B4GALNT2: variants seen among roughly 807,000 people sequenced by gnomAD.
B4GALNT2 encodes beta-1,4-N-acetyl-galactosaminyltransferase 2 (SID blood group), also known as N-acetylneuraminylgalactosylglucosyl-glucoside beta-1,4-N- acetylgalactosaminyltransferase 2.
A neutral mutation model predicts 51.1 loss-of-function variants in B4GALNT2; 42 were observed. That is an observed-to-expected ratio of 0.82 (90% CI 0.64 to 1.06). The LOEUF is 1.06. Among genes scored for constraint, B4GALNT2 ranks in the 50% least tolerant of loss-of-function variants. B4GALNT2 has a pLI of 0.00. For missense variants in B4GALNT2, 602 were observed against 633.6 expected (o/e 0.95, Z 0.54); for synonymous variants, 253 against 251.7 (o/e 1.01, Z -0.05).
Position 49,171,261 on chromosome 17 carries a change from A to G in B4GALNT2, c.*1533A>G. 1 of 317,342 alleles carries G rather than the reference A, an allele frequency of 3.2e-6. No individual in the cohort carries two copies. The highest frequency in any genetic ancestry group is 6.0e-6 in the Non-Finnish European group (1 of 167,380). 19.7% of individuals were successfully genotyped at this position (317,342 alleles called of 1,614,324 possible). On this transcript the variant is annotated 3_prime_UTR_variant, in exon 11 of 11. Transcript: ENST00000393354. ...GCACCTGCAGACTATACAAAGACAA[A>G]CAACACAGATTAAAAGCACAATCAT... is the stretch of plus-strand genomic sequence containing the variant.
Position 49,174,919 on chromosome 17 carries a change from T to C in B4GALNT2, c.*5191T>C, listed in dbSNP as rs1213421440. 6.6e-6 allele frequency: 1 copy of C among 152,194 alleles called. No homozygotes were observed. The highest frequency in any genetic ancestry group is 1.5e-5 in the Non-Finnish European group (1 of 68,030). 9.4% of individuals were successfully genotyped at this position (152,194 alleles called of 1,614,324 possible). A position where few individuals can be genotyped will look rare whatever the true frequency, so the allele number is the denominator to read the frequency against. ...CCCATTTCATGCACCATACGTTGAC[T>C]TTGAGGGCTATACAATTGCTCTAGA... is the stretch of plus-strand genomic sequence containing the variant. On this transcript the variant is annotated 3_prime_UTR_variant, in exon 11 of 11. Coordinates refer to ENST00000393354, the MANE Select transcript of B4GALNT2 (RefSeq NM_001159387.2).
upstream of B4GALNT2, chr17:49,132,715 G>A (rs1567852184): frequency 7.4e-6 from 10 of 1,356,340 alleles, no homozygotes; most frequent in Non-Finnish European, 9.5e-6. Flanking sequence ...TGCCCGGGTC[G>A]GTGCCAGGGC....
At chr17:49,131,981 A>AT (rs745687097), upstream of B4GALNT2, among the ~76,000 whole-genome samples, 2 of 151,852 alleles carry the variant, frequency 1.3e-5, no homozygotes, top group Non-Finnish European at 2.9e-5. Context: ...AATTATTATT[A>AT]TTATTTTTTA....
chr17:49,136,623 T>G (rs1393536216), intron 1 of B4GALNT2, among the ~76,000 whole-genome samples: 1 of 152,068 alleles, frequency 6.6e-6, no homozygotes, highest in Non-Finnish European at 1.5e-5. Context: ...CTCAGCCCAC[T>G]GCAACCTCCA....
Position 49,169,717 on chromosome 17 carries a change from T to C in B4GALNT2, c.1510T>C (p.Cys504Arg). ...CCACTACTTCAAGAACCATCTCCAATGTGCCGCATAAAGGTGTGAGGGCAT... is the reference window on the plus strand; with the variant it reads ...CCACTACTTCAAGAACCATCTCCAACGTGCCGCATAAAGGTGTGAGGGCAT... ...ALHYFKNHLQCAA is the reference protein window; with the variant it reads ...ALHYFKNHLQRAA The change falls in exon 11 of 11, where the codon TGT becomes CGT. Residue 504 changes from cysteine (C) to arginine (R), a missense_variant. Cys to Arg is a radical substitution (Grantham distance 180). Transcript: ENST00000393354. 1 of 1,582,604 alleles carries C rather than the reference T, an allele frequency of 6.3e-7. No homozygotes were observed. Among genetic ancestry groups the C allele is most frequent in the Non-Finnish European group, 8.6e-7 (1 of 1,161,802 alleles).
chr17:49,134,023 C>T (rs567089119), intron 1 of B4GALNT2, among the ~76,000 whole-genome samples: 1 of 152,316 alleles, frequency 6.6e-6, no homozygotes, highest in South Asian at 2.1e-4. Context: ...CATCCATCCA[C>T]GTCCTTGGCT....
chr17:49,128,647 C>G (rs2042522542), upstream of B4GALNT2, among the ~76,000 whole-genome samples: 1 of 152,140 alleles, frequency 6.6e-6, no homozygotes, highest in South Asian at 2.1e-4. Flanking sequence ...TGTCATTGTC[C>G]CTGAGAATTT....
At chr17:49,139,245 G>GTTTTTTT (rs143419564) in intron 1 of B4GALNT2, among the ~76,000 whole-genome samples, 1 of 147,920 alleles carries the variant, frequency 6.8e-6, no homozygotes, top group Non-Finnish European at 1.5e-5. Flanking sequence ...GGGCGTTTTT[G>GTTTTTTT]TTTTTTTTTT....
chr17:49,148,368 C>T, intron 3 of B4GALNT2: 1 of 360,304 alleles, frequency 2.8e-6, no homozygotes, highest in Non-Finnish European at 5.4e-6. Flanking sequence ...CATCCACAAC[C>T]AAATCTGCCT....
intron 9 of B4GALNT2, among the ~76,000 whole-genome samples, chr17:49,167,081 C>A (rs2042917519): frequency 6.6e-6 from 1 of 152,186 alleles, no homozygotes; most frequent in African/African-American, 2.4e-5. Flanking sequence ...TGCAAGTGGA[C>A]AATCCCCAAA....
chr17:49,131,144 A>T (rs2042535669), upstream of B4GALNT2, among the ~76,000 whole-genome samples: 1 of 152,178 alleles, frequency 6.6e-6, no homozygotes, highest in Admixed American at 6.5e-5. Flanking sequence ...ACAAGAGCTG[A>T]ATGAAGGACG....
rs1317937814 is a variant in B4GALNT2 at position 49,168,805 on chromosome 17, TG to T, written c.1222del (p.Val408Ter). On this transcript the variant is annotated frameshift_variant, in exon 10 of 11. Coordinates refer to ENST00000393354, the MANE Select transcript of B4GALNT2 (RefSeq NM_001159387.2). LOFTEE classifies it high-confidence loss of function. Reference protein sequence around the residue: ...FQPLDGFPSCVVTSGVVNFFL... With the variant: ...FQPLDGFPSCXVTSGVVNFFL... ...CCCCTGGATGGCTTCCCCAGCTGCGTGGTGACCAGTGGCGTGGTCAACTTCT... is the reference window on the plus strand; with the variant it reads ...CCCCTGGATGGCTTCCCCAGCTGCGTGTGACCAGTGGCGTGGTCAACTTCT... The T allele has an allele frequency of 1.2e-6, 2 of 1,613,908 alleles. No homozygotes were observed. Among genetic ancestry groups the T allele is most frequent in the African/African-American group, 1.3e-5 (1 of 74,920 alleles).
In B4GALNT2 at chr17:49,176,076, C is replaced by A. The variant is rs1441908762; in HGVS notation, c.*6348C>A. The A allele has an allele frequency of 4.6e-5, 7 of 152,214 alleles. No homozygotes were observed. In the East Asian group the frequency reaches 1.3e-3, roughly 29 times the overall value. 9.4% of individuals were successfully genotyped at this position (152,214 alleles called of 1,614,324 possible). A position where few individuals can be genotyped will look rare whatever the true frequency, so the allele number is the denominator to read the frequency against. ...ATTGTTACCCTGATGTTTCCGAGCT[C>A]CCCTTCTTACTCACCATGGGGATTG... On this transcript the variant is annotated 3_prime_UTR_variant, in exon 11 of 11. Transcript: ENST00000393354.
intron 2 of B4GALNT2, 28 bp downstream of exon 2, chr17:49,141,475 C>T (rs748563392): frequency 8.1e-6 from 13 of 1,598,710 alleles, no homozygotes; most frequent in Non-Finnish European, 1.1e-5. Flanking sequence ...CTTTCTTTCA[C>T]CTTAATGCAC....
chr17:49,152,770 C>T, intron 3 of B4GALNT2, 30 bp from the exon 4 acceptor site: 2 of 1,465,190 alleles, frequency 1.4e-6, no homozygotes, highest in Non-Finnish European at 1.9e-6. Flanking sequence ...ATCAGGGCAG[C>T]TGCTGACGTT....
At chr17:49,155,780 G>A (rs1006656514) in intron 4 of B4GALNT2, among the ~76,000 whole-genome samples, 19 of 151,692 alleles carry the variant, frequency 1.3e-4, no homozygotes, top group Non-Finnish European at 1.5e-5. Context: ...CTGGAGTGCA[G>A]TGTCGAGATC....
At chr17:49,129,044 C>T (rs552522273), upstream of B4GALNT2, among the ~76,000 whole-genome samples, 7 of 152,214 alleles carry the variant, frequency 4.6e-5, no homozygotes, top group East Asian at 9.6e-4. Flanking sequence ...CTGACTGTCC[C>T]GAGTACCATG....
the B4GALNT2 span, among the ~76,000 whole-genome samples, chr17:49,120,362 G>A: frequency 3.3e-5 from 5 of 152,174 alleles, no homozygotes; most frequent in African/African-American, 1.2e-4. Flanking sequence ...AGAGGACTCT[G>A]ACCTAGTCTG....
intron 3 of B4GALNT2, among the ~76,000 whole-genome samples, chr17:49,152,490 A>G (rs1013396280): frequency 6.6e-6 from 1 of 152,168 alleles, no homozygotes; most frequent in Non-Finnish European, 1.5e-5. Flanking sequence ...CCTAGCTAAC[A>G]TGGTGAAACC....
Sources: gnomAD v4.1 joint callset for allele counts (sites outside exome capture counted in the v4.1 genomes callset) on GRCh38, gnomAD v4.1.1 for gene constraint, MANE v1.5 for transcripts, NCBI Gene and HGNC (gene_info 2026-07-23, HGNC 2026-07-21) for gene names.